Variants in SLC38A4 observed in about 807,000 individuals in gnomAD.
SLC38A4 encodes the protein solute carrier family 38 member 4, also known as sodium-coupled neutral amino acid transporter 4.
A neutral mutation model predicts 63.1 loss-of-function variants in SLC38A4; 20 were observed. The ratio of observed to expected loss-of-function variants is 0.32; its 90% CI spans 0.22 to 0.46. The LOEUF (loss-of-function observed/expected upper bound fraction) is 0.46, where lower values mean the gene tolerates loss of function less well. Ranked by LOEUF, SLC38A4 falls within the 20% of genes least tolerant of loss-of-function variation. The probability of loss-of-function intolerance (pLI) is 1.00; values close to 1 mark genes in which losing one functional copy is unlikely to be tolerated. For synonymous variants in SLC38A4, 230 were observed against 225.5 expected (o/e 1.02, Z -0.18); for missense variants, 526 against 663.6 (o/e 0.79, Z 2.28).
chr12:46,828,358 G>C (rs545907866), upstream of SLC38A4, among the ~76,000 whole-genome samples: 2 of 152,006 alleles, frequency 1.3e-5, no homozygotes, highest in Non-Finnish European at 2.9e-5. Context: ...GTCTCGCTCC[G>C]TCGCCCAGGC....
At chr12:46,790,014 G>T (rs1938851884) in intron 3 of SLC38A4, among the ~76,000 whole-genome samples, 1 of 152,146 alleles carries the variant, frequency 6.6e-6, no homozygotes, top group African/African-American at 2.4e-5. Flanking sequence ...GGAGGCAGAG[G>T]TTGCAGTGAG....
chr12:46,803,100 ACT>A (rs1359903201), intron 2 of SLC38A4, among the ~76,000 whole-genome samples: 2 of 152,018 alleles, frequency 1.3e-5, no homozygotes, highest in Non-Finnish European at 2.9e-5. Flanking sequence ...TACAGCCCAA[ACT>A]CTTAGCCATT....
intron 1 of SLC38A4, among the ~76,000 whole-genome samples, chr12:46,809,925 A>G (rs1939306224): frequency 1.3e-5 from 2 of 152,026 alleles, no homozygotes; most frequent in Admixed American, 1.3e-4. Flanking sequence ...CATAATAGGT[A>G]CTATATAAAC....
At chr12:46,783,287 A>T (rs1466468821) in intron 7 of SLC38A4, among the ~76,000 whole-genome samples, 3 of 111,086 alleles carry the variant, frequency 2.7e-5, no homozygotes, top group African/African-American at 5.5e-5. Flanking sequence ...AGATAGATAG[A>T]TATGGGCATT....
chr12:46,816,432 G>C (rs547471471), intron 1 of SLC38A4, among the ~76,000 whole-genome samples: 22 of 151,908 alleles, frequency 1.4e-4, no homozygotes, highest in Non-Finnish European at 2.9e-4. Context: ...GACACTTTCT[G>C]TATGTCTGAA....
chr12:46,810,914 A>T (rs1939327267), intron 1 of SLC38A4, among the ~76,000 whole-genome samples: 1 of 152,058 alleles, frequency 6.6e-6, no homozygotes, highest in South Asian at 2.1e-4. Flanking sequence ...GGCATTTATG[A>T]GCTATTTAGA....
chr12:46,817,032 A>G (rs1203089909), intron 1 of SLC38A4, among the ~76,000 whole-genome samples: 1 of 147,942 alleles, frequency 6.8e-6, no homozygotes, highest in African/African-American at 2.5e-5. Flanking sequence ...GTAGCTTAAT[A>G]GCTTAAGGGG....
chr12:46,828,918 C>T (rs1274420705), upstream of SLC38A4, among the ~76,000 whole-genome samples: 1 of 152,210 alleles, frequency 6.6e-6, no homozygotes, highest in African/African-American at 2.4e-5. Context: ...TCCTATCTCT[C>T]ACACCATACT....
At chr12:46,788,397 A>G in intron 4 of SLC38A4, 131 bp downstream of exon 4, 1 of 701,336 alleles carries the variant, frequency 1.4e-6, no homozygotes, top group Non-Finnish European at 2.4e-6. Flanking sequence ...TATTCCAGTA[A>G]GAGCCTGAAT....
Position 46,780,809 on chromosome 12 carries a change from AC to A in SLC38A4, c.494-780del, listed in dbSNP as rs1938622649. Among the ~76,000 whole-genome samples, 3 of 152,112 alleles carry A rather than the reference AC, an allele frequency of 2.0e-5. No individual in the cohort carries two copies. In the East Asian group the frequency reaches 5.8e-4, roughly 30 times the overall value. Reference sequence around the variant, plus strand: ...ACATAACATTACAATTTTGCCTACAACTGTAAATATTTATGCATCACGCCTT... The same window carrying A: ...ACATAACATTACAATTTTGCCTACAATGTAAATATTTATGCATCACGCCTT... On this transcript the variant is annotated intron_variant, in intron 7 of 16. Transcript: ENST00000266579.
chr12:46,814,189 A>G (rs188914216), intron 1 of SLC38A4, among the ~76,000 whole-genome samples: 1 of 152,076 alleles, frequency 6.6e-6, no homozygotes, highest in African/African-American at 2.4e-5. Context: ...TAGCTTCAAC[A>G]CTTTTTGCTT....
chr12:46,811,595 T>C (rs1157991980), intron 1 of SLC38A4, among the ~76,000 whole-genome samples: 1 of 152,026 alleles, frequency 6.6e-6, no homozygotes, highest in Non-Finnish European at 1.5e-5. Context: ...TATGAGTTCA[T>C]TAAAAAAGTC....
chr12:46,791,222 C>T (rs894540939), intron 3 of SLC38A4, among the ~76,000 whole-genome samples: 2 of 152,162 alleles, frequency 1.3e-5, no homozygotes, highest in African/African-American at 4.8e-5. Context: ...TATTGAATGT[C>T]ATCTATATTC....
rs956801165 is a variant in SLC38A4, at chr12:46,817,878, A to C, written c.-305+8025T>G. Among the ~76,000 whole-genome samples, 3 of 151,950 alleles carry C rather than the reference A, an allele frequency of 2.0e-5. No homozygotes were observed. The East Asian group carries it at 5.8e-4, about 29-fold the overall frequency. Reference sequence around the variant, plus strand: ...AATTCCTATTAGTAAAATTACTTAGATATACTAATAAAGTAATAGAAAATT... The same window carrying C: ...AATTCCTATTAGTAAAATTACTTAGCTATACTAATAAAGTAATAGAAAATT... On this transcript the variant is annotated intron_variant, in intron 1 of 16. Coordinates refer to ENST00000266579, the MANE Select transcript of SLC38A4 (RefSeq NM_018018.5).
At chr12:46,830,330 A>ACT (rs1380535726), upstream of SLC38A4, among the ~76,000 whole-genome samples, 1 of 145,050 alleles carries the variant, frequency 6.9e-6, no homozygotes, top group Non-Finnish European at 1.5e-5. Context: ...ACACACACAC[A>ACT]CTCTTCTTGT....
At chr12:46,775,298 C>T in intron 13 of SLC38A4, 125 bp from the exon 14 acceptor site, 10 of 1,201,578 alleles carry the variant, frequency 8.3e-6, no homozygotes, top group South Asian at 3.6e-5. Flanking sequence ...ATCCAGGCAC[C>T]TCTGGTCTTG....
In SLC38A4 at chr12:46,803,752, C is replaced by T. The variant is rs2120867680; in HGVS notation, c.-262G>A. On this transcript the variant is annotated 5_prime_UTR_variant, in exon 2 of 17. It adds an upstream start codon to the 5' untranslated region. Coordinates refer to ENST00000266579, the MANE Select transcript of SLC38A4 (RefSeq NM_018018.5). The stretch of plus-strand genomic sequence containing the variant: ...GAACGAGACAAGCCAATCAACACCA[C>T]CACCTCACCCCAACACCTCCTTCTG... 6.6e-6 allele frequency: 1 copy of T among 151,802 alleles called. No individual in the cohort carries two copies. Among genetic ancestry groups the T allele is most frequent in the South Asian group, 2.1e-4 (1 of 4,810 alleles). 9.4% of individuals were successfully genotyped at this position (151,802 alleles called of 1,614,324 possible).
intron 1 of SLC38A4, among the ~76,000 whole-genome samples, chr12:46,816,487 AC>A (rs1404939318): frequency 2.0e-5 from 3 of 151,972 alleles, no homozygotes; most frequent in Non-Finnish European, 4.4e-5. Flanking sequence ...TAAAAAACAG[AC>A]AAAAAACATT....
intron 12 of SLC38A4, 61 bp from the exon 13 acceptor site, chr12:46,777,065 A>G (rs1055871500): frequency 7.5e-7 from 1 of 1,332,636 alleles, no homozygotes; most frequent in African/African-American, 1.5e-5. Context: ...ATCACTTTTC[A>G]AAATGAAAAT....
Sources: gnomAD v4.1 joint callset for allele counts (sites outside exome capture counted in the v4.1 genomes callset) on GRCh38, gnomAD v4.1.1 for gene constraint, MANE v1.5 for transcripts, NCBI Gene and HGNC (gene_info 2026-07-23, HGNC 2026-07-21) for gene names.